Variants in HEMGN observed in about 807,000 individuals in gnomAD.
HEMGN encodes the protein hemogen, also known as erythroid differentiation-associated gene protein.
HEMGN carries 32 observed loss-of-function variants against 45.7 expected under a neutral mutation model. The observed-to-expected ratio is 0.70, with a 90% CI of 0.53 to 0.94. HEMGN has a LOEUF of 0.94. HEMGN is among the 40% of genes least tolerant of loss of function. The pLI is 0.00. For missense variants in HEMGN, 530 were observed against 564.2 expected (o/e 0.94, Z 0.61); for synonymous variants, 183 against 178.6 (o/e 1.02, Z -0.20).
rs138552503 is a variant in HEMGN at position 97,930,281 on chromosome 9, G to C, written c.1114C>G (p.Gln372Glu). The stretch of plus-strand genomic sequence containing the variant: ...TATTCTTCAAGCCCAGGTATTTCTT[G>C]ATACGTTTCAGGTGAATATTTTTCA... ...GSEKYSPETY[Q>E]EIPGLEEYSP... The change falls in exon 3 of 4, where the codon CAA becomes GAA. Residue 372 changes from glutamine (Q) to glutamate (E), a missense_variant. Physicochemically the swap from Gln to Glu is conservative, Grantham distance 29 (BLOSUM62 2). Coordinates refer to ENST00000616898, the MANE Select transcript of HEMGN (RefSeq NM_197978.3). The C allele has an allele frequency of 6.2e-7, 1 of 1,614,036 alleles. No individual in the cohort carries two copies. The highest frequency in any genetic ancestry group is 1.1e-5 in the South Asian group (1 of 91,062).
intron 1 of HEMGN, among the ~76,000 whole-genome samples, chr9:97,936,749 T>G (rs1827069004): frequency 6.6e-6 from 1 of 152,270 alleles, no homozygotes; most frequent in African/African-American, 2.4e-5. Context: ...AATGACAATG[T>G]GATACATAGT....
At chr9:97,932,544 G>A (rs556449028) in intron 2 of HEMGN, among the ~76,000 whole-genome samples, 4 of 152,120 alleles carry the variant, frequency 2.6e-5, no homozygotes, top group Non-Finnish European at 4.4e-5. Context: ...GTTGGCTCAC[G>A]CCTGTAATCC....
At chr9:97,933,451 G>C (rs1433758068) in intron 2 of HEMGN, among the ~76,000 whole-genome samples, 3 of 152,138 alleles carry the variant, frequency 2.0e-5, no homozygotes, top group African/African-American at 7.2e-5. Flanking sequence ...ACTTGTATTT[G>C]ATAATCAAGC....
intron 2 of HEMGN, among the ~76,000 whole-genome samples, chr9:97,934,457 G>A (rs1827019857): frequency 1.1e-5 from 1 of 89,832 alleles, no homozygotes; most frequent in South Asian, 5.5e-4. Context: ...GGGGAGGGGG[G>A]AGGGGAGGGG....
chr9:97,935,050 A>G (rs74783768), intron 2 of HEMGN, among the ~76,000 whole-genome samples: 2 of 152,220 alleles, frequency 1.3e-5, no homozygotes, highest in African/African-American at 4.8e-5. Context: ...TGCTTATACA[A>G]CAGCCAAGCT....
chr9:97,937,639 AAAG>A (rs1475845193), intron 1 of HEMGN, among the ~76,000 whole-genome samples: 2 of 152,086 alleles, frequency 1.3e-5, no homozygotes, highest in African/African-American at 4.8e-5. Flanking sequence ...AATTTTATTC[AAAG>A]AAGGAGTCTC....
chr9:97,936,829 T>G (rs1306304650), intron 1 of HEMGN, among the ~76,000 whole-genome samples: 1 of 152,252 alleles, frequency 6.6e-6, no homozygotes, highest in Non-Finnish European at 1.5e-5. Context: ...GCTAGTTATC[T>G]TTGCCTTGTA....
At position 97,936,211 on chromosome 9, in the gene HEMGN, C is replaced by T; in HGVS notation, c.133G>A (p.Ala45Thr). 1 of 1,613,456 alleles carries T rather than the reference C, an allele frequency of 6.2e-7. No individual in the cohort carries two copies. Among genetic ancestry groups the T allele is most frequent in the South Asian group, 1.1e-5 (1 of 91,070 alleles). Residue 45 changes from alanine (A) to threonine (T), a missense_variant, in exon 2 of 4, where the codon GCT (alanine) becomes ACT (threonine). Physicochemically the swap from Ala to Thr is moderately conservative, Grantham distance 58 (BLOSUM62 0). Transcript: ENST00000616898. ...GATGTTTCCTTTTCATGCACTTCAG[C>T]TTTTCTTTTTCTAAGTAGTTCTCTG... ...RNRELLRKRK[A>T]EVHEKETSQW...
Position 97,930,854 on chromosome 9 carries a change from A to T in HEMGN, c.541T>A (p.Ser181Thr). 6 of 1,614,108 alleles carry T rather than the reference A, an allele frequency of 3.7e-6. No homozygotes were observed. Among genetic ancestry groups the T allele is most frequent in the Non-Finnish European group, 5.1e-6 (6 of 1,179,986 alleles). ...TTGGAAGAATTGTCTTGAAGTACAG[A>T]TATTTCTTGGTACATTTTAGGAGAG... The part of the protein sequence containing the change: ...DLSPKMYQEI[S>T]VLQDNSSKIC... The change falls in exon 3 of 4, where the codon TCT (serine) becomes ACT (threonine). Residue 181 changes from serine to threonine, a missense_variant. Transcript: ENST00000616898.
intron 1 of HEMGN, among the ~76,000 whole-genome samples, 157 bp from the exon 2 acceptor site, chr9:97,936,421 G>C (rs1658580081): frequency 6.6e-6 from 1 of 152,222 alleles, no homozygotes; most frequent in Non-Finnish European, 1.5e-5. Flanking sequence ...TCCAGAGAAA[G>C]CCTGGAAGCA....
At position 97,931,194 on chromosome 9, in the gene HEMGN, T is replaced by A. The variant is rs1213736055; in HGVS notation, c.201A>T (p.Arg67Ser). 1 of 1,607,484 alleles carries A rather than the reference T, an allele frequency of 6.2e-7. No homozygotes were observed. The highest frequency in any genetic ancestry group is 8.5e-7 in the Non-Finnish European group (1 of 1,178,504). The change falls in exon 3 of 4, where the codon AGA becomes AGT. Residue 67 changes from arginine to serine, a missense_variant. Physicochemically the swap from Arg to Ser is moderately radical, Grantham distance 110. Transcript: ENST00000616898. The part of the protein sequence containing the change: ...FGEQKKRKQQ[R>S]TGKGNRRGRK... ...TGCCTCTTCGATTTCCTTTTCCTGT[T>A]CTCTGCTGCTTGCGTTTTTTCTGTT...
chr9:97,930,468 G>T lies in HEMGN; in HGVS notation c.927C>A (p.Asp309Glu). 6.2e-7 allele frequency: 1 copy of T among 1,614,108 alleles called. No homozygotes were observed. Among genetic ancestry groups the T allele is most frequent in the Non-Finnish European group, 8.5e-7 (1 of 1,179,988 alleles). The stretch of plus-strand genomic sequence containing the variant: ...ATTCTTGGTGTGTTTTTGTAGAAAG[G>T]TCTTTAGGCTCAGCTATTTCTTGTA... ...PKIQEIAEPK[D>E]LSTKTHQESA... The change falls in exon 3 of 4, where the codon GAC becomes GAA. Residue 309 changes from aspartate to glutamate, a missense_variant. Coordinates refer to ENST00000616898, the MANE Select transcript of HEMGN (RefSeq NM_197978.3).
chr9:97,930,592 T>G lies in HEMGN; in HGVS notation c.803A>C (p.Lys268Thr), dbSNP rs1826927870. ...LQAYPKPDVP[K>T]GYILDTDQNP... ...TTGGTCTGTGTCAAGAATATAGCCT[T>G]TAGGCACATCTGGTTTTGGATATGC... is the stretch of plus-strand genomic sequence containing the variant. Residue 268 changes from lysine (K) to threonine (T), a missense_variant, in exon 3 of 4, where the codon AAA becomes ACA. Physicochemically the swap from Lys to Thr is moderately conservative, Grantham distance 78. Coordinates refer to ENST00000616898, the MANE Select transcript of HEMGN (RefSeq NM_197978.3). 11 of 1,614,210 alleles carry G rather than the reference T, an allele frequency of 6.8e-6. No homozygotes were observed. Among genetic ancestry groups the G allele is most frequent in the Non-Finnish European group, 9.3e-6 (11 of 1,180,032 alleles).
In HEMGN at chr9:97,927,363, C is replaced by T. The variant is rs748686198; in HGVS notation, c.*21G>A. ...TTAAGCTGTATGTTCCATTGGACCA[C>T]AACTTTATGGTTGAGCATTGTTAAA... On this transcript the variant is annotated 3_prime_UTR_variant, in exon 4 of 4. Transcript: ENST00000616898. 7.0e-7 allele frequency: 1 copy of T among 1,422,662 alleles called. No individual in the cohort carries two copies. Among genetic ancestry groups the T allele is most frequent in the Non-Finnish European group, 9.8e-7 (1 of 1,019,554 alleles). 88.1% of individuals were successfully genotyped at this position (1,422,662 alleles called of 1,614,324 possible).
At chr9:97,928,172 G>A (rs1041362951) in intron 3 of HEMGN, among the ~76,000 whole-genome samples, 19 of 152,006 alleles carry the variant, frequency 1.2e-4, no homozygotes, top group Admixed American at 8.5e-4. Context: ...GACTACAGGC[G>A]CCCGCCACCG....
rs1189451184 is a variant in HEMGN, at chr9:97,931,014, A to G, written c.381T>C (p.Val127=). 6.2e-7 allele frequency: 1 copy of G among 1,614,044 alleles called. No homozygotes were observed. The highest frequency in any genetic ancestry group is 8.5e-7 in the Non-Finnish European group (1 of 1,180,032). Residue 127 remains valine (V), a synonymous_variant, in exon 3 of 4, where the codon GTT becomes GTC. Coordinates refer to ENST00000616898, the MANE Select transcript of HEMGN (RefSeq NM_197978.3). The part of the protein sequence containing the change: ...VFPSVASPQK[V]VPEEHFSEIC... ...TTTCAGAAAAGTGTTCCTCAGGCAC[A>G]ACTTTTTGCGGGGAGGCTACTGAAG...
chr9:97,937,960 C>CT (rs199724877), intron 1 of HEMGN, 98 bp downstream of exon 1: 87,233 of 494,922 alleles, frequency 0.18, 3,634 homozygotes, highest in Non-Finnish European at 0.2. Context: ...CATTTATTTC[C>CT]TTTTTTTTTT....
chr9:97,930,103 C>T lies in HEMGN; in HGVS notation c.1292G>A (p.Gly431Asp), dbSNP rs752528459. 4.3e-6 allele frequency: 7 copies of T among 1,614,096 alleles called. No individual in the cohort carries two copies. The highest frequency in any genetic ancestry group is 5.9e-6 in the Non-Finnish European group (7 of 1,180,016). Reference protein sequence around the residue: ...ECFPEPHQETGGPQGQDPKAH... With the variant: ...ECFPEPHQETDGPQGQDPKAH... ...TTTAGGATCCTGGCCTTGGGGCCCA[C>T]CTGTTTCTTGGTGTGGTTCTGGAAA... The change falls in exon 3 of 4, where the codon GGT becomes GAT. Residue 431 changes from glycine to aspartate, a missense_variant. Physicochemically the swap from Gly to Asp is moderately conservative, Grantham distance 94. Transcript: ENST00000616898.
At chr9:97,928,176 G>A (rs567783142) in intron 3 of HEMGN, among the ~76,000 whole-genome samples, 19 of 151,996 alleles carry the variant, frequency 1.3e-4, no homozygotes, top group Admixed American at 8.5e-4. Flanking sequence ...ACAGGCGCCC[G>A]CCACCGCGCC....
Sources: gnomAD v4.1 joint callset for allele counts (sites outside exome capture counted in the v4.1 genomes callset) on GRCh38, gnomAD v4.1.1 for gene constraint, MANE v1.5 for transcripts, NCBI Gene and HGNC (gene_info 2026-07-23, HGNC 2026-07-21) for gene names.